SLC43A3: variants seen among roughly 807,000 people sequenced by gnomAD.
SLC43A3 encodes solute carrier family 43 member 3, also known as equilibrative nucleobase transporter 1.
In SLC43A3, 33 loss-of-function variants were observed where a neutral mutation model predicts 53.3. That is an observed-to-expected ratio of 0.62 (90% confidence interval 0.47 to 0.83). The LOEUF (loss-of-function observed/expected upper bound fraction) is 0.83. SLC43A3 is among the 40% of genes least tolerant of loss of function. The probability of loss-of-function intolerance (pLI) is 0.00; values close to 1 mark genes in which losing one functional copy is unlikely to be tolerated. For missense variants in SLC43A3, 530 were observed against 610.0 expected (o/e 0.87, Z 1.38); for synonymous variants, 236 against 246.2 (o/e 0.96, Z 0.39).
At chr11:57,419,768 C>T (rs1436239104) in intron 7 of SLC43A3, among the ~76,000 whole-genome samples, 1 of 149,878 alleles carries the variant, frequency 6.7e-6, no homozygotes, top group African/African-American at 2.5e-5. Flanking sequence ...TGCACTCCAG[C>T]CTGGGAGACA....
intron 12 of SLC43A3, 72 bp downstream of exon 12, chr11:57,409,863 A>G: frequency 2.1e-6 from 3 of 1,432,470 alleles, no homozygotes; most frequent in Non-Finnish European, 2.8e-6. Flanking sequence ...CTTGCCTCCC[A>G]ATTTCTTTAC....
chr11:57,422,947 A>G (rs7122734), intron 5 of SLC43A3, among the ~76,000 whole-genome samples: 44,009 of 152,184 alleles, frequency 0.29, 7,561 homozygotes, highest in African/African-American at 0.48. Flanking sequence ...TGATGCTGTC[A>G]GCTTTAGCAT....
Position 57,409,174 on chromosome 11 carries a change from C to T in SLC43A3, c.1371+1G>A, listed in dbSNP as rs183113015. The T allele has an allele frequency of 4.3e-6, 7 of 1,614,184 alleles. No individual in the cohort carries two copies. The highest frequency in any genetic ancestry group is 2.2e-5 in the East Asian group (1 of 44,884). ...GGGATCCCCATCCTCCCAGTACTCA[C>T]GTAAAATGGGTCATTCTGAAGGGAG... On this transcript the variant is annotated splice_donor_variant, in intron 13 of 13. Coordinates refer to ENST00000395124, the MANE Select transcript of SLC43A3 (RefSeq NM_199329.3). LOFTEE classifies it high-confidence loss of function.
At chr11:57,418,337 A>G (rs1265777292) in intron 7 of SLC43A3, among the ~76,000 whole-genome samples, 2 of 151,440 alleles carry the variant, frequency 1.3e-5, no homozygotes, top group African/African-American at 2.4e-5. Context: ...TTGCCTCCAA[A>G]TAAAAAAAAA....
chr11:57,412,614 A>G (rs531837697), intron 11 of SLC43A3, among the ~76,000 whole-genome samples: 1 of 152,262 alleles, frequency 6.6e-6, no homozygotes, highest in South Asian at 2.1e-4. Context: ...GGAGTTTGAG[A>G]CCAGCCTGGC....
intron 7 of SLC43A3, among the ~76,000 whole-genome samples, chr11:57,420,081 C>T (rs1337492442): frequency 6.8e-6 from 1 of 147,438 alleles, no homozygotes; most frequent in Non-Finnish European, 1.5e-5. Context: ...AGAGAGAAGT[C>T]CCAGGTTGGA....
intron 4 of SLC43A3, 28 bp from the exon 5 acceptor site, chr11:57,424,056 T>C (rs1346341591): frequency 2.5e-6 from 4 of 1,611,024 alleles, no homozygotes; most frequent in Non-Finnish European, 3.4e-6. Context: ...AAAAGCAGAA[T>C]ATTGTCAAGG....
upstream of SLC43A3, chr11:57,427,178 G>A (rs1339982404): frequency 6.6e-6 from 1 of 152,498 alleles, no homozygotes; most frequent in African/African-American, 2.4e-5. Flanking sequence ...TGCCCGCCCG[G>A]AAGGGGCTGG....
At chr11:57,417,344 C>T (rs1016923104) in intron 8 of SLC43A3, among the ~76,000 whole-genome samples, 3 of 152,216 alleles carry the variant, frequency 2.0e-5, no homozygotes, top group African/African-American at 7.2e-5. Flanking sequence ...TCTTTCAGAA[C>T]CCTGAAATCA....
At chr11:57,417,057 T>C (rs1344148672) in intron 8 of SLC43A3, among the ~76,000 whole-genome samples, 1 of 152,226 alleles carries the variant, frequency 6.6e-6, no homozygotes, top group East Asian at 1.9e-4. Flanking sequence ...AGAGGATTAT[T>C]GTGAGGATGA....
chr11:57,414,770 C>T (rs771034657), intron 10 of SLC43A3, 39 bp from the exon 11 acceptor site: 7 of 1,573,180 alleles, frequency 4.4e-6, no homozygotes, highest in African/African-American at 1.4e-5. Flanking sequence ...TGAGAAGTTT[C>T]CAAAACTCCC....
rs750231881 is a variant in SLC43A3 at position 57,410,078 on chromosome 11, C to T, written c.1104G>A (p.Ser368=). ...LAVALCSTVP[S]LALTSLLCLG... ...GGCACAGCAGGGATGTCAGGGCCAGCGAAGGCACCGTCGAGCAGAGGGCCA... is the reference window on the plus strand; with the variant it reads ...GGCACAGCAGGGATGTCAGGGCCAGTGAAGGCACCGTCGAGCAGAGGGCCA... The change falls in exon 12 of 14, where the codon TCG becomes TCA. Residue 368 remains serine (S), a synonymous_variant. Transcript: ENST00000395124. 5.6e-6 allele frequency: 9 copies of T among 1,610,684 alleles called. No homozygotes were observed. The highest frequency in any genetic ancestry group is 2.2e-5 in the East Asian group (1 of 44,812).
intron 9 of SLC43A3, among the ~76,000 whole-genome samples, chr11:57,416,240 G>A (rs1048208175): frequency 6.6e-6 from 1 of 152,192 alleles, no homozygotes; most frequent in African/African-American, 2.4e-5. Flanking sequence ...AGGAGACCTG[G>A]AGAAATGGGG....
chr11:57,422,164 A>G (rs75096608), intron 5 of SLC43A3, among the ~76,000 whole-genome samples: 2,963 of 152,344 alleles, frequency 0.019, 103 homozygotes, highest in African/African-American at 0.069. Context: ...AAGTTGACTC[A>G]CTTTTATCCA....
At chr11:57,415,151 G>A (rs758662678) in intron 9 of SLC43A3, 45 bp from the exon 10 acceptor site, 17 of 1,587,082 alleles carry the variant, frequency 1.1e-5, no homozygotes, top group Middle Eastern at 3.5e-4. Flanking sequence ...GAGGAAAGTG[G>A]ACAGGTAGGA....
chr11:57,410,966 C>T (rs12786765), intron 11 of SLC43A3, among the ~76,000 whole-genome samples: 1,629 of 152,302 alleles, frequency 0.011, 15 homozygotes, highest in Middle Eastern at 0.048. Context: ...GATTCTGAGG[C>T]CTTGCCAGCC....
intron 7 of SLC43A3, among the ~76,000 whole-genome samples, chr11:57,418,696 C>G (rs1340868876): frequency 6.6e-6 from 1 of 152,056 alleles, no homozygotes; most frequent in Non-Finnish European, 1.5e-5. Flanking sequence ...TCCAGACCAG[C>G]CTGGCCAACA....
chr11:57,407,800 T>C lies in SLC43A3; in HGVS notation c.1468A>G (p.Ile490Val), dbSNP rs1942267390. 2.5e-6 allele frequency: 4 copies of C among 1,603,896 alleles called. No homozygotes were observed. Among genetic ancestry groups the C allele is most frequent in the Non-Finnish European group, 3.4e-6 (4 of 1,170,758 alleles). ...AAGTGAGGGCTTCTGAACTATGCAA[T>C]TGCAGAGGGACTTTCTTTCCAAGTA... ...CRTWKESPSA[I>V]A The change falls in exon 14 of 14, where the codon ATT becomes GTT. Residue 490 changes from isoleucine to valine, a missense_variant. Coordinates refer to ENST00000395124, the MANE Select transcript of SLC43A3 (RefSeq NM_199329.3).
At chr11:57,427,171 C>A (rs187859632), upstream of SLC43A3, 269 of 152,652 alleles carry the variant, frequency 1.8e-3, 2 homozygotes, top group Non-Finnish European at 2.3e-3. Flanking sequence ...CCCCTCCTGC[C>A]CGCCCGGAAG....
Sources: allele counts gnomAD v4.1 joint callset (sites outside exome capture counted in the v4.1 genomes callset), GRCh38; gene constraint gnomAD v4.1.1; transcripts MANE v1.5; gene names NCBI Gene and HGNC (gene_info 2026-07-23, HGNC 2026-07-21).